TRPM6: variants seen among roughly 807,000 people sequenced by gnomAD.
TRPM6 encodes the protein channel kinase 2.
TRPM6 carries 111 observed loss-of-function variants against 247.6 expected under a neutral mutation model. That is an observed-to-expected ratio of 0.45 (90% CI 0.38 to 0.52). TRPM6 has a LOEUF of 0.52. Ranked by LOEUF, TRPM6 falls within the 20% of genes least tolerant of loss-of-function variation. The probability of loss-of-function intolerance (pLI) is 0.00; values close to 1 mark genes in which losing one functional copy is unlikely to be tolerated. For synonymous variants in TRPM6, 892 were observed against 853.8 expected, an observed-to-expected ratio of 1.04 and a Z score of -0.78; for missense variants, 2,126 against 2,421.5, an observed-to-expected ratio of 0.88 and a Z score of 2.56.
chr9:74,738,705 C>A (rs1825769688), intron 35 of TRPM6, 93 bp from the exon 36 acceptor site: 1 of 1,082,122 alleles, frequency 9.2e-7, no homozygotes, highest in Admixed American at 1.8e-5. Flanking sequence ...GATTACCTAA[C>A]TCTGGTATGA....
chr9:74,812,487 T>A (rs1828767949), intron 11 of TRPM6, 54 bp from the exon 12 acceptor site: 1 of 1,523,106 alleles, frequency 6.6e-7, no homozygotes, highest in South Asian at 1.1e-5. Context: ...TAGAAATAAC[T>A]AAAGAATTAC....
chr9:74,820,459 C>T (rs778147501), intron 8 of TRPM6, 32 bp from the exon 9 acceptor site: 2 of 1,613,430 alleles, frequency 1.2e-6, no homozygotes, highest in Admixed American at 3.3e-5. Flanking sequence ...TTGACACAAC[C>T]CAGAGAGGGG....
intron 5 of TRPM6, among the ~76,000 whole-genome samples, chr9:74,834,580 GT>G (rs1434170275): frequency 6.6e-6 from 1 of 151,788 alleles, no homozygotes; most frequent in South Asian, 2.1e-4. Context: ...CCTCCTTTAG[GT>G]ATTTCTCCTA....
intron 37 of TRPM6, among the ~76,000 whole-genome samples, chr9:74,731,478 T>G (rs1193945611): frequency 6.6e-6 from 1 of 151,858 alleles, no homozygotes; most frequent in East Asian, 1.9e-4. Flanking sequence ...ATTAGATGTG[T>G]ATGTTCAATA....
At chr9:74,839,408 G>A (rs1829838769) in intron 5 of TRPM6, among the ~76,000 whole-genome samples, 1 of 152,102 alleles carries the variant, frequency 6.6e-6, no homozygotes, top group African/African-American at 2.4e-5. Context: ...GATTGAGACG[G>A]TGAGTGTTTT....
chr9:74,767,328 C>T (rs1160343326), intron 25 of TRPM6, among the ~76,000 whole-genome samples: 1 of 152,168 alleles, frequency 6.6e-6, no homozygotes, highest in Non-Finnish European at 1.5e-5. Flanking sequence ...AAGGGAAAAG[C>T]TGACTTACAC....
chr9:74,785,455 C>T (rs1052995865), intron 21 of TRPM6, among the ~76,000 whole-genome samples: 1 of 152,152 alleles, frequency 6.6e-6, no homozygotes, highest in Non-Finnish European at 1.5e-5. Flanking sequence ...GCATTGTATG[C>T]CTATATCAAA....
At position 74,787,028 on chromosome 9, in the gene TRPM6, G is replaced by A. The variant is rs1428956620; in HGVS notation, c.2668-903C>T. On this transcript the variant is annotated intron_variant, in intron 20 of 38. Transcript: ENST00000360774. ...AGCCTGGCCAACATGATGAAACCCCGTCTCTACTAAAAATACAAAAATTAG... is the reference window on the plus strand; with the variant it reads ...AGCCTGGCCAACATGATGAAACCCCATCTCTACTAAAAATACAAAAATTAG... 2.0e-5 allele frequency among the ~76,000 whole-genome samples: 3 copies of A among 149,664 alleles called. No homozygotes were observed. The East Asian group carries it at 6.0e-4, about 30-fold the overall frequency.
At chr9:74,858,831 C>T (rs1564054070) in intron 1 of TRPM6, 83 bp from the exon 2 acceptor site, 1 of 1,109,844 alleles carries the variant, frequency 9.0e-7, no homozygotes, top group Non-Finnish European at 1.3e-6. Context: ...GTAAGAAATA[C>T]TCAAGTATCA....
At chr9:74,826,150 A>G (rs1437428396) in intron 7 of TRPM6, among the ~76,000 whole-genome samples, 5 of 152,202 alleles carry the variant, frequency 3.3e-5, no homozygotes, top group South Asian at 2.1e-4. Context: ...TGCACCCAAC[A>G]CAATTCTAGA....
At chr9:74,747,503 C>G (rs1348415047) in intron 31 of TRPM6, among the ~76,000 whole-genome samples, 1 of 152,106 alleles carries the variant, frequency 6.6e-6, no homozygotes, top group Admixed American at 6.5e-5. Context: ...CCATTTGGGG[C>G]CCCAGATCTT....
chr9:74,864,931 C>G (rs558488681), intron 1 of TRPM6, among the ~76,000 whole-genome samples: 2 of 151,846 alleles, frequency 1.3e-5, no homozygotes, highest in Non-Finnish European at 2.9e-5. Context: ...AAATTAGCCA[C>G]GCGCAGTCGT....
chr9:74,769,209 G>A (rs756100517), intron 25 of TRPM6, among the ~76,000 whole-genome samples: 2 of 152,098 alleles, frequency 1.3e-5, no homozygotes, highest in Non-Finnish European at 2.9e-5. Flanking sequence ...GCAGTGGTGC[G>A]ATTTCAGCTC....
chr9:74,844,565 T>C (rs898576549), intron 3 of TRPM6, among the ~76,000 whole-genome samples: 1 of 152,238 alleles, frequency 6.6e-6, no homozygotes, highest in African/African-American at 2.4e-5. Flanking sequence ...TCAGACTTCA[T>C]AGAATTGAAA....
intron 21 of TRPM6, among the ~76,000 whole-genome samples, chr9:74,784,145 A>G (rs761135978): frequency 6.6e-6 from 1 of 151,916 alleles, no homozygotes; most frequent in Non-Finnish European, 1.5e-5. Flanking sequence ...AGTCCCTACT[A>G]TAGGCTACTC....
intron 28 of TRPM6, 25 bp from the exon 29 acceptor site, chr9:74,752,393 A>G: frequency 7.8e-7 from 1 of 1,286,642 alleles, no homozygotes. Flanking sequence ...GAGAAAGATT[A>G]GAAAATACAT....
chr9:74,882,228 G>GA (rs1467083974), intron 1 of TRPM6, among the ~76,000 whole-genome samples: 1 of 151,792 alleles, frequency 6.6e-6, no homozygotes, highest in Non-Finnish European at 1.5e-5. Context: ...TGGTTAAAAA[G>GA]AAAAAAGAGA....
rs147157434 is a variant in TRPM6 at position 74,820,419 on chromosome 9, C to A, written c.1019G>T (p.Arg340Leu). ...HKHLADEGML[R>L]PQVKEEIICM... is the part of the protein sequence containing the mutation. ...GATGATCTCCTCTTTCACCTGAGGTCGCAGCATCCTGGAAGAGAAATAAAT... is the reference window on the plus strand; with the variant it reads ...GATGATCTCCTCTTTCACCTGAGGTAGCAGCATCCTGGAAGAGAAATAAAT... Residue 340 changes from arginine (R) to leucine (L), a missense_variant, in exon 9 of 39, where the codon CGA (arginine) becomes CTA (leucine). By Grantham distance (102) the Arg-to-Leu change is moderately radical. This residue lies in a region of TRPM6 where 1,082 missense variants were observed against 1,307.9 expected (regional missense o/e 0.83). Coordinates refer to ENST00000360774, the MANE Select transcript of TRPM6 (RefSeq NM_017662.5). 3 of 1,614,000 alleles carry A rather than the reference C, an allele frequency of 1.9e-6. No individual in the cohort carries two copies. In the South Asian group the frequency reaches 3.3e-5, roughly 18 times the overall value.
At chr9:74,862,906 A>G (rs1830733638) in intron 1 of TRPM6, among the ~76,000 whole-genome samples, 1 of 151,912 alleles carries the variant, frequency 6.6e-6, no homozygotes, top group Non-Finnish European at 1.5e-5. Flanking sequence ...ACTTGAACCC[A>G]GGAGGCAGAG....
Sources: gnomAD v4.1 joint callset for allele counts (sites outside exome capture counted in the v4.1 genomes callset) on GRCh38, gnomAD v4.1.1 for gene constraint, gnomAD v4.1.1 regional missense constraint, MANE v1.5 for transcripts, NCBI Gene and HGNC (gene_info 2026-07-23, HGNC 2026-07-21) for gene names.